SLC4A10: variants seen among roughly 807,000 people sequenced by gnomAD.
SLC4A10 encodes the protein sodium-driven chloride bicarbonate exchanger.
A neutral mutation model predicts 137.7 loss-of-function variants in SLC4A10; 42 were observed. That is an observed-to-expected ratio of 0.30 (90% CI 0.24 to 0.39). The LOEUF (loss-of-function observed/expected upper bound fraction) is 0.39. Ranked by LOEUF, SLC4A10 falls within the 10% of genes least tolerant of loss-of-function variation. The pLI is 1.00. For missense variants in SLC4A10, 925 were observed against 1,355.0 expected, an observed-to-expected ratio of 0.68 and a Z score of 4.98; for synonymous variants, 474 against 464.1, an observed-to-expected ratio of 1.02 and a Z score of -0.27.
intron 3 of SLC4A10, among the ~76,000 whole-genome samples, chr2:161,805,028 A>G (rs948726100): frequency 1.3e-5 from 2 of 152,156 alleles, no homozygotes; most frequent in African/African-American, 2.4e-5. Flanking sequence ...AATTTACCAA[A>G]ATAAAAAAGA....
At chr2:161,643,951 A>G (rs937102329) in intron 1 of SLC4A10, among the ~76,000 whole-genome samples, 2 of 151,982 alleles carry the variant, frequency 1.3e-5, no homozygotes, top group Admixed American at 6.6e-5. Flanking sequence ...AGGATTTAGG[A>G]TGGTATAATT....
chr2:161,943,763 A>G (rs535316168), intron 16 of SLC4A10, among the ~76,000 whole-genome samples: 2 of 152,144 alleles, frequency 1.3e-5, no homozygotes, highest in South Asian at 2.1e-4. Context: ...TATGACTATC[A>G]GCACAAAACT....
chr2:161,881,205 G>A (rs945938778), intron 9 of SLC4A10, among the ~76,000 whole-genome samples: 7 of 151,962 alleles, frequency 4.6e-5, no homozygotes, highest in Non-Finnish European at 1.0e-4. Context: ...TAGTAGAAAG[G>A]TCAGAAAATA....
chr2:161,635,157 C>A (rs888892114), intron 1 of SLC4A10, among the ~76,000 whole-genome samples: 1 of 151,678 alleles, frequency 6.6e-6, no homozygotes, highest in African/African-American at 2.4e-5. Context: ...AAAATGAGTG[C>A]CCTTTATGTA....
At chr2:161,746,307 G>A (rs541484977) in intron 1 of SLC4A10, among the ~76,000 whole-genome samples, 2 of 150,708 alleles carry the variant, frequency 1.3e-5, no homozygotes, top group East Asian at 2.0e-4. Flanking sequence ...CAAGACAAAA[G>A]TCCTCTTTAC....
intron 1 of SLC4A10, among the ~76,000 whole-genome samples, chr2:161,752,269 T>A (rs2125310812): frequency 1.3e-5 from 2 of 152,140 alleles, no homozygotes; most frequent in South Asian, 4.1e-4. Flanking sequence ...TTATTATTAT[T>A]ATTTTTTTGC....
chr2:161,981,636 T>A (rs905148782), intron 26 of SLC4A10, among the ~76,000 whole-genome samples: 16 of 152,140 alleles, frequency 1.1e-4, no homozygotes, highest in Non-Finnish European at 1.9e-4. Context: ...CAGGAGAGCA[T>A]ACACTTGTCA....
chr2:161,878,391 T>A (rs1359180288), intron 8 of SLC4A10, among the ~76,000 whole-genome samples: 1 of 152,146 alleles, frequency 6.6e-6, no homozygotes, highest in Admixed American at 6.6e-5. Flanking sequence ...GTTAAGGATA[T>A]TTTGCATTCA....
At position 161,904,239 on chromosome 2, in the gene SLC4A10, G is replaced by T. The variant is rs146424740; in HGVS notation, c.1617+61G>T. 3 of 1,484,832 alleles carry T rather than the reference G, an allele frequency of 2.0e-6. No individual in the cohort carries two copies. In the African/African-American group the frequency reaches 4.2e-5, roughly 21 times the overall value. 92.0% of individuals were successfully genotyped at this position (1,484,832 alleles called of 1,614,324 possible). A position where few individuals can be genotyped will look rare whatever the true frequency, so the allele number is the denominator to read the frequency against. On this transcript the variant is annotated intron_variant, in intron 13 of 26. Coordinates refer to ENST00000446997, the MANE Select transcript of SLC4A10 (RefSeq NM_001178015.2). ...AATCCATTTTTAAGATTCATAGTTA[G>T]ATAAGTGAGCATTTAATTTTGGATT...
chr2:161,645,979 T>C (rs549643474), intron 1 of SLC4A10, among the ~76,000 whole-genome samples: 111 of 152,180 alleles, frequency 7.3e-4, no homozygotes, highest in Non-Finnish European at 1.0e-3. Flanking sequence ...ATAACTTCTA[T>C]TAATGCACAT....
intron 26 of SLC4A10, among the ~76,000 whole-genome samples, chr2:161,982,613 TTGTC>T (rs1160591955): frequency 6.6e-6 from 1 of 152,092 alleles, no homozygotes; most frequent in Admixed American, 6.5e-5. Flanking sequence ...GGGTAAGGGT[TTGTC>T]TGTAAAGAGA....
chr2:161,819,481 A>G (rs1457431509), intron 3 of SLC4A10, among the ~76,000 whole-genome samples: 1 of 151,844 alleles, frequency 6.6e-6, no homozygotes, highest in Non-Finnish European at 1.5e-5. Flanking sequence ...CTCCCCAGTA[A>G]CAAAGCTGCT....
intron 1 of SLC4A10, among the ~76,000 whole-genome samples, chr2:161,662,556 C>T (rs1263016012): frequency 3.9e-5 from 6 of 152,146 alleles, no homozygotes; most frequent in Admixed American, 3.3e-4. Context: ...TGAGCTTTCC[C>T]TTCAGGCATC....
rs572161786 is a variant in SLC4A10 at position 161,780,530 on chromosome 2, T to C, written c.130+9476T>C. ...AAAGCTCAGTACCAGTTTCAGGCAA[T>C]TTAAAAATCTTAGCCTTTATTATAT... On this transcript the variant is annotated intron_variant, in intron 2 of 26. Coordinates refer to ENST00000446997, the MANE Select transcript of SLC4A10 (RefSeq NM_001178015.2). Among the ~76,000 whole-genome samples, 8 of 152,188 alleles carry C rather than the reference T, an allele frequency of 5.3e-5. No homozygotes were observed. In the South Asian group the frequency reaches 1.5e-3, roughly 28 times the overall value.
At chr2:161,978,166 C>T (rs953476334) in intron 26 of SLC4A10, among the ~76,000 whole-genome samples, 2 of 151,924 alleles carry the variant, frequency 1.3e-5, no homozygotes, top group African/African-American at 4.8e-5. Context: ...GAGCGGATCA[C>T]TTGAGGTCAG....
At chr2:161,706,392 G>A (rs2043663559) in intron 1 of SLC4A10, among the ~76,000 whole-genome samples, 1 of 151,502 alleles carries the variant, frequency 6.6e-6, no homozygotes, top group African/African-American at 2.4e-5. Context: ...AACCTTGCTT[G>A]ATGTTTCGCT....
chr2:161,639,035 A>G lies in SLC4A10; in HGVS notation c.48+14469A>G, dbSNP rs368051741. On this transcript the variant is annotated intron_variant, in intron 1 of 26. Coordinates refer to ENST00000446997, the MANE Select transcript of SLC4A10 (RefSeq NM_001178015.2). ...CAAAAAATTGGAAAACCTAGAAGAA[A>G]TGGATAAGTTCCTAGAAACATACAA... is the stretch of plus-strand genomic sequence containing the variant. Among the ~76,000 whole-genome samples the G allele has an allele frequency of 7.9e-5, 12 of 152,234 alleles. No homozygotes were observed. In the South Asian group the frequency reaches 2.5e-3, roughly 32 times the overall value.
chr2:161,788,908 C>T (rs1294371740), intron 2 of SLC4A10, among the ~76,000 whole-genome samples: 2 of 152,194 alleles, frequency 1.3e-5, no homozygotes, highest in Admixed American at 1.3e-4. Context: ...CAGGAAAAGC[C>T]TCTGCTGCAT....
intron 26 of SLC4A10, 71 bp downstream of exon 26, chr2:161,977,831 T>A (rs1699625740): frequency 6.9e-7 from 1 of 1,444,606 alleles, no homozygotes; most frequent in African/African-American, 1.4e-5. Flanking sequence ...TCTAGAAACC[T>A]GGTCAGTCTA....
Sources: gnomAD v4.1 joint callset for allele counts (sites outside exome capture counted in the v4.1 genomes callset) on GRCh38, gnomAD v4.1.1 for gene constraint, MANE v1.5 for transcripts, NCBI Gene and HGNC (gene_info 2026-07-23, HGNC 2026-07-21) for gene names.